Variants in NYAP2 observed in about 807,000 individuals in gnomAD.
NYAP2 encodes the protein neuronal tyrosine-phosphorylated phosphoinositide-3-kinase adaptor 2, also known as neuronal tyrosine-phosphorylated phosphoinositide-3-kinase adapter 2.
A neutral mutation model predicts 50.4 loss-of-function variants in NYAP2; 23 were observed. The observed-to-expected ratio is 0.46, with a 90% confidence interval of 0.33 to 0.65. NYAP2 has a LOEUF of 0.65. Among genes scored for constraint, NYAP2 ranks in the 30% least tolerant of loss-of-function variants. The probability of loss-of-function intolerance (pLI) is 0.02; values close to 1 mark genes in which losing one functional copy is unlikely to be tolerated. For missense variants in NYAP2, 885 were observed against 861.0 expected (o/e 1.03, Z -0.35); for synonymous variants, 394 against 365.2 (o/e 1.08, Z -0.90).
chr2:225,594,869 A>G (rs1190090088), intron 5 of NYAP2, among the ~76,000 whole-genome samples: 2 of 152,212 alleles, frequency 1.3e-5, no homozygotes, highest in Non-Finnish European at 2.9e-5. Flanking sequence ...TAACCAATCA[A>G]CTGAAAAATC....
intron 3 of NYAP2, among the ~76,000 whole-genome samples, chr2:225,452,627 C>T (rs1247015773): frequency 6.6e-6 from 1 of 152,154 alleles, no homozygotes; most frequent in Non-Finnish European, 1.5e-5. Flanking sequence ...TGCGGTTTCC[C>T]ACTGAATTTG....
At chr2:225,472,551 T>C (rs1355287491) in intron 3 of NYAP2, among the ~76,000 whole-genome samples, 1 of 152,158 alleles carries the variant, frequency 6.6e-6, no homozygotes, top group Non-Finnish European at 1.5e-5. Context: ...CAGGGTACAA[T>C]ATTTATGCTC....
At chr2:225,551,174 C>G (rs530874511) in intron 4 of NYAP2, among the ~76,000 whole-genome samples, 1 of 152,112 alleles carries the variant, frequency 6.6e-6, no homozygotes, top group African/African-American at 2.4e-5. Context: ...TTTAGTGACC[C>G]CTAGTGAATT....
the NYAP2 span, among the ~76,000 whole-genome samples, chr2:225,684,645 G>C: frequency 6.6e-6 from 1 of 151,770 alleles, no homozygotes; most frequent in Non-Finnish European, 1.5e-5. Flanking sequence ...TCCGTCTCCT[G>C]GGTTCAAGCG....
At chr2:225,659,711 C>T in the NYAP2 span, among the ~76,000 whole-genome samples, 8 of 152,086 alleles carry the variant, frequency 5.3e-5, no homozygotes, top group Non-Finnish European at 1.2e-4. Context: ...GGCTGTAAGA[C>T]CTGGAATATG....
intron 3 of NYAP2, among the ~76,000 whole-genome samples, chr2:225,432,890 C>T (rs1479841945): frequency 6.6e-6 from 1 of 151,978 alleles, no homozygotes; most frequent in African/African-American, 2.4e-5. Flanking sequence ...TTTTAGCGGT[C>T]AAGTAGGGGG....
chr2:225,480,071 T>G (rs1248728893), intron 3 of NYAP2, among the ~76,000 whole-genome samples: 1 of 152,100 alleles, frequency 6.6e-6, no homozygotes, highest in East Asian at 1.9e-4. Flanking sequence ...TCTAAGGAAA[T>G]CCAAACTTCT....
intron 3 of NYAP2, among the ~76,000 whole-genome samples, chr2:225,464,077 C>T (rs1689877926): frequency 6.6e-6 from 1 of 152,146 alleles, no homozygotes; most frequent in Non-Finnish European, 1.5e-5. Flanking sequence ...AGATGCTCTG[C>T]CAAAAGTTCC....
the NYAP2 span, among the ~76,000 whole-genome samples, chr2:225,660,249 T>A: frequency 6.6e-6 from 1 of 152,162 alleles, no homozygotes; most frequent in Non-Finnish European, 1.5e-5. Context: ...AGGTCTCATA[T>A]GTGGGTTGGA....
intron 4 of NYAP2, among the ~76,000 whole-genome samples, chr2:225,529,720 T>G (rs1015940465): frequency 6.6e-6 from 1 of 152,206 alleles, no homozygotes; most frequent in Non-Finnish European, 1.5e-5. Context: ...TTATTATTTA[T>G]TTTTTGAGAC....
chr2:225,582,467 C>T lies in NYAP2; in HGVS notation c.1050C>T (p.Ser350=), dbSNP rs1241536786. 2.6e-5 allele frequency: 41 copies of T among 1,559,018 alleles called. No homozygotes were observed. The Admixed American group carries it at 7.2e-4, about 28-fold the overall frequency. ...CCCCCGTGCATTGCTCCCCCAACTC[C>T]GACGAGTCCCCGCTTACCCCTCTGG... is the stretch of plus-strand genomic sequence containing the variant. Residue 350 remains serine, a synonymous_variant, in exon 5 of 7, where the codon TCC becomes TCT. Transcript: ENST00000636099. The surrounding 1 kb of genome is among the most constrained non-coding windows in gnomAD (Gnocchi z 7.0).
At chr2:225,405,471 T>C (rs4575709) in intron 2 of NYAP2, among the ~76,000 whole-genome samples, 126,488 of 151,980 alleles carry the variant, frequency 0.83, 53,187 homozygotes, top group African/African-American at 0.94. Flanking sequence ...CAAAATGCAG[T>C]CAAGTTTTTG....
chr2:225,443,552 G>A (rs1403918431), intron 3 of NYAP2, among the ~76,000 whole-genome samples: 1 of 151,908 alleles, frequency 6.6e-6, no homozygotes, highest in Non-Finnish European at 1.5e-5. Flanking sequence ...CAAAATGATG[G>A]TACTGGTATG....
chr2:225,427,899 C>T (rs575592233), intron 3 of NYAP2, among the ~76,000 whole-genome samples: 3 of 152,126 alleles, frequency 2.0e-5, no homozygotes, highest in Non-Finnish European at 4.4e-5. Flanking sequence ...CATTTTATTC[C>T]AAAACAAAAA....
At chr2:225,495,917 G>T (rs1409166497) in intron 3 of NYAP2, among the ~76,000 whole-genome samples, 1 of 152,168 alleles carries the variant, frequency 6.6e-6, no homozygotes, top group Admixed American at 6.5e-5. Context: ...AATGATGACA[G>T]CCCCACCTGC....
chr2:225,585,452 A>C (rs890182320), intron 5 of NYAP2, among the ~76,000 whole-genome samples: 9 of 152,248 alleles, frequency 5.9e-5, no homozygotes, highest in African/African-American at 2.2e-4. Flanking sequence ...CTACGTGTAT[A>C]TGTCACAGAC....
intron 5 of NYAP2, among the ~76,000 whole-genome samples, chr2:225,606,154 C>T (rs1054640643): frequency 6.6e-5 from 10 of 151,954 alleles, no homozygotes; most frequent in Admixed American, 4.6e-4. Context: ...AGTAATTTGC[C>T]CAAAGCCTCA....
At chr2:225,687,137 C>T in the NYAP2 span, among the ~76,000 whole-genome samples, 1 of 152,072 alleles carries the variant, frequency 6.6e-6, no homozygotes, top group Non-Finnish European at 1.5e-5. Context: ...AATTCTAATT[C>T]TGTCTTCTAT....
the NYAP2 span, chr2:225,699,035 A>G: frequency 6.6e-6 from 1 of 151,920 alleles, no homozygotes; most frequent in Non-Finnish European, 1.5e-5. Context: ...AGTAACGTAG[A>G]AGTTGAATAT....
Sources: gnomAD v4.1 joint callset for allele counts (sites outside exome capture counted in the v4.1 genomes callset) on GRCh38, gnomAD v4.1.1 for gene constraint, Gnocchi (gnomAD v3.1) non-coding constraint, MANE v1.5 for transcripts, NCBI Gene and HGNC (gene_info 2026-07-23, HGNC 2026-07-21) for gene names.